CAMTA1: variants seen among roughly 807,000 people sequenced by gnomAD.
CAMTA1 encodes calmodulin binding transcription activator 1.
Under a neutral mutation model 170.9 loss-of-function variants are expected in CAMTA1, and 27 were observed. That is an observed-to-expected ratio of 0.16 (90% CI 0.12 to 0.22). The LOEUF (loss-of-function observed/expected upper bound fraction) is 0.22, where lower values mean the gene tolerates loss of function less well. Among genes scored for constraint, CAMTA1 ranks in the 10% least tolerant of loss-of-function variants. The probability of loss-of-function intolerance (pLI) is 1.00; values close to 1 mark genes in which losing one functional copy is unlikely to be tolerated. For missense variants in CAMTA1, 1,619 were observed against 2,217.2 expected, an observed-to-expected ratio of 0.73 and a Z score of 5.42; for synonymous variants, 833 against 891.5, an observed-to-expected ratio of 0.93 and a Z score of 1.17.
intron 11 of CAMTA1, among the ~76,000 whole-genome samples, chr1:7,729,338 T>C (rs961319310): frequency 6.6e-6 from 1 of 152,178 alleles, no homozygotes; most frequent in Non-Finnish European, 1.5e-5. Flanking sequence ...CAGGCTGGTC[T>C]TGAACTCCTG....
In CAMTA1 at chr1:7,002,223, C is replaced by A. The variant is rs149366579; in HGVS notation, c.235-89081C>A. Among the ~76,000 whole-genome samples the A allele has an allele frequency of 3.9e-5, 6 of 152,268 alleles. No individual in the cohort carries two copies. The East Asian group carries it at 1.2e-3, about 29-fold the overall frequency. ...AACCCTTTTCCAAATAGATTCTCCC[C>A]TGTTCTGTACCCCAATCAGGAGTAA... On this transcript the variant is annotated intron_variant, in intron 3 of 22. Coordinates refer to ENST00000303635, the MANE Select transcript of CAMTA1 (RefSeq NM_015215.4).
chr1:6,812,900 C>T (rs996642106), intron 1 of CAMTA1, among the ~76,000 whole-genome samples: 1 of 152,176 alleles, frequency 6.6e-6, no homozygotes, highest in African/African-American at 2.4e-5. Flanking sequence ...CTTTTGAACT[C>T]AATTCTAGGT....
intron 5 of CAMTA1, among the ~76,000 whole-genome samples, chr1:7,418,401 G>A (rs963622428): frequency 2.0e-5 from 3 of 152,164 alleles, no homozygotes; most frequent in African/African-American, 7.2e-5. Context: ...ATTTCGCCAT[G>A]TTGCCCAGGC....
In CAMTA1 at chr1:7,429,559, A is replaced by T. The variant is rs144721791; in HGVS notation, c.439-38271A>T. On this transcript the variant is annotated intron_variant, in intron 5 of 22. Transcript: ENST00000303635. ...GATGGTGATGATGATGACAGTGATA[A>T]TATGGATGATGATGATGGTGATGCT... Among the ~76,000 whole-genome samples, 768 of 146,174 alleles carry T rather than the reference A, an allele frequency of 5.3e-3. 8 individuals carry two copies. Among genetic ancestry groups the T allele is most frequent in the African/African-American group, 0.019 (739 of 39,716 alleles).
chr1:7,197,507 G>T (rs1395780458), intron 4 of CAMTA1, among the ~76,000 whole-genome samples: 2 of 151,734 alleles, frequency 1.3e-5, no homozygotes, highest in Non-Finnish European at 2.9e-5. Flanking sequence ...AAGAGGTGGG[G>T]GCTCAGAGCT....
At chr1:7,703,924 T>C (rs113145733) in intron 11 of CAMTA1, among the ~76,000 whole-genome samples, 2,811 of 152,170 alleles carry the variant, frequency 0.018, 48 homozygotes, top group Non-Finnish European at 0.029. Context: ...GCTGGAACTT[T>C]GGAACGCGGA....
intron 6 of CAMTA1, among the ~76,000 whole-genome samples, chr1:7,491,216 C>T (rs1212383899): frequency 2.0e-5 from 3 of 152,148 alleles, no homozygotes; most frequent in Non-Finnish European, 4.4e-5. Flanking sequence ...TCACCTGAGC[C>T]GCACTCACCA....
At chr1:7,540,544 A>G (rs1410653597) in intron 6 of CAMTA1, among the ~76,000 whole-genome samples, 5 of 152,188 alleles carry the variant, frequency 3.3e-5, no homozygotes, top group Admixed American at 1.3e-4. Context: ...ATAGATGTCT[A>G]CACTTTCCAA....
chr1:7,669,936 G>C (rs1480601873), intron 9 of CAMTA1, among the ~76,000 whole-genome samples: 1 of 152,222 alleles, frequency 6.6e-6, no homozygotes, highest in Non-Finnish European at 1.5e-5. Context: ...CATGAAGCAG[G>C]ACTGCCCGGG....
At chr1:7,048,508 C>T (rs537612476) in intron 3 of CAMTA1, among the ~76,000 whole-genome samples, 1 of 152,332 alleles carries the variant, frequency 6.6e-6, no homozygotes, top group Non-Finnish European at 1.5e-5. Context: ...TTTGGTGTGG[C>T]TACGCCAGCT....
rs1407735692 is a variant in CAMTA1 at position 7,213,751 on chromosome 1, C to T, written c.303-35740C>T. Among the ~76,000 whole-genome samples the T allele has an allele frequency of 3.3e-5, 5 of 152,052 alleles. 1 individual carries two copies. The highest frequency in any genetic ancestry group is 2.0e-4 in the Admixed American group (3 of 15,266). Reference sequence around the variant, plus strand: ...TGAGGTATATCTCCTAATGCTATCCCTCCCCCCTCCGCCCACCCCACAACA... The same window carrying T: ...TGAGGTATATCTCCTAATGCTATCCTTCCCCCCTCCGCCCACCCCACAACA... On this transcript the variant is annotated intron_variant, in intron 4 of 22. Coordinates refer to ENST00000303635, the MANE Select transcript of CAMTA1 (RefSeq NM_015215.4).
chr1:6,887,615 A>T lies in CAMTA1; in HGVS notation c.234+62405A>T. 5 of 1,530,740 alleles carry T rather than the reference A, an allele frequency of 3.3e-6. No homozygotes were observed. Among genetic ancestry groups the T allele is most frequent in the Non-Finnish European group, 4.4e-6 (5 of 1,144,856 alleles). 94.8% of individuals were successfully genotyped at this position (1,530,740 alleles called of 1,614,324 possible). On this transcript the variant is annotated intron_variant, in intron 3 of 22. Transcript: ENST00000303635. The surrounding 1 kb of genome is among the most constrained non-coding windows in gnomAD (Gnocchi z 4.1). Reference sequence around the variant, plus strand: ...TTCTTCAGTTAAAAACAGAAATAGAAGCGACGGTTTTGACCCATTTTACAC... The same window carrying T: ...TTCTTCAGTTAAAAACAGAAATAGATGCGACGGTTTTGACCCATTTTACAC...
chr1:6,810,351 C>T (rs993470472), intron 1 of CAMTA1, among the ~76,000 whole-genome samples: 1 of 152,176 alleles, frequency 6.6e-6, no homozygotes, highest in Non-Finnish European at 1.5e-5. Flanking sequence ...CAATTCCTGC[C>T]CCAGGGGCCT....
At chr1:7,431,885 T>C (rs895068505) in intron 5 of CAMTA1, among the ~76,000 whole-genome samples, 1 of 152,156 alleles carries the variant, frequency 6.6e-6, no homozygotes, top group African/African-American at 2.4e-5. Context: ...AAGTCCTATG[T>C]CATCTGTGCA....
intron 6 of CAMTA1, 52 bp downstream of exon 6, chr1:7,467,953 C>A: frequency 3.4e-6 from 5 of 1,489,954 alleles, no homozygotes; most frequent in Non-Finnish European, 4.7e-6. Flanking sequence ...CGGGAAGGGT[C>A]TGTGGAGGGC....
At chr1:6,838,791 C>G (rs1341546338) in intron 3 of CAMTA1, among the ~76,000 whole-genome samples, 1 of 152,196 alleles carries the variant, frequency 6.6e-6, no homozygotes, top group Non-Finnish European at 1.5e-5. Context: ...GATTCTCTCT[C>G]TGTCACCCAG....
intron 3 of CAMTA1, among the ~76,000 whole-genome samples, chr1:6,935,255 T>C (rs1280350502): frequency 2.6e-5 from 4 of 152,104 alleles, no homozygotes; most frequent in Admixed American, 6.5e-5. Context: ...CACTTGGCAG[T>C]TTGGAAGTAA....
chr1:7,047,504 A>C (rs1705578331), intron 3 of CAMTA1, among the ~76,000 whole-genome samples: 1 of 151,986 alleles, frequency 6.6e-6, no homozygotes, highest in African/African-American at 2.4e-5. Flanking sequence ...TCTTCCGCTT[A>C]CCTTTCTTTC....
chr1:6,999,930 CA>C (rs1697960912), intron 3 of CAMTA1, among the ~76,000 whole-genome samples: 1 of 152,200 alleles, frequency 6.6e-6, no homozygotes. Flanking sequence ...CTGACCCTGA[CA>C]GGTTCTTTTC....
Sources: allele counts gnomAD v4.1 joint callset (sites outside exome capture counted in the v4.1 genomes callset), GRCh38; gene constraint gnomAD v4.1.1; non-coding constraint Gnocchi (gnomAD v3.1); transcripts MANE v1.5; gene names NCBI Gene and HGNC (gene_info 2026-07-23, HGNC 2026-07-21).